The following SP140L variants were observed in gnomAD, a reference collection of about 807,000 sequenced individuals.
The protein encoded by SP140L is SP140 like nuclear body protein.
A neutral mutation model predicts 84.3 loss-of-function variants in SP140L; 64 were observed. The observed-to-expected ratio is 0.76, with a 90% CI of 0.62 to 0.94. The LOEUF (loss-of-function observed/expected upper bound fraction) is 0.94. SP140L is among the 40% of genes least tolerant of loss of function. SP140L has a pLI of 0.00. For missense variants in SP140L, 628 were observed against 692.5 expected (o/e 0.91, Z 1.05); for synonymous variants, 242 against 236.9 (o/e 1.02, Z -0.20).
At chr2:230,362,281 C>T (rs2149742132) in intron 5 of SP140L, among the ~76,000 whole-genome samples, 1 of 152,284 alleles carries the variant, frequency 6.6e-6, no homozygotes, top group East Asian at 1.9e-4. Context: ...AGGAAGTGCT[C>T]TTTTGACTTT....
intron 2 of SP140L, among the ~76,000 whole-genome samples, chr2:230,343,786 T>A (rs2060132033): frequency 6.6e-6 from 1 of 152,190 alleles, no homozygotes; most frequent in Non-Finnish European, 1.5e-5. Context: ...CAGTGTGAGA[T>A]AATATCTCAT....
Position 230,403,131 on chromosome 2 carries a change from C to G in SP140L, c.*235C>G. On this transcript the variant is annotated 3_prime_UTR_variant, in exon 19 of 19. Coordinates refer to ENST00000415673, the MANE Select transcript of SP140L (RefSeq NM_138402.6). ...ACAGGGAAGGAGATTGGAGGTGATA[C>G]CAGCACAGACAGACTCTCACCTCTT... is the stretch of plus-strand genomic sequence containing the variant. The G allele has an allele frequency of 2.2e-6, 1 of 456,182 alleles. No homozygotes were observed. Among genetic ancestry groups the G allele is most frequent in the Non-Finnish European group, 3.8e-6 (1 of 260,150 alleles). 28.3% of individuals were successfully genotyped at this position (456,182 alleles called of 1,614,324 possible).
At chr2:230,366,275 A>G (rs575771387) in intron 5 of SP140L, among the ~76,000 whole-genome samples, 31 of 152,252 alleles carry the variant, frequency 2.0e-4, no homozygotes, top group African/African-American at 6.5e-4. Flanking sequence ...ATTAATATTT[A>G]TTTAATATAT....
chr2:230,348,861 A>G (rs777064396), intron 2 of SP140L, among the ~76,000 whole-genome samples: 1 of 152,262 alleles, frequency 6.6e-6, no homozygotes, highest in Non-Finnish European at 1.5e-5. Flanking sequence ...TTAGAAGATT[A>G]CTACATAATT....
chr2:230,354,893 G>GAA (rs1338658558), intron 2 of SP140L, among the ~76,000 whole-genome samples: 1 of 129,672 alleles, frequency 7.7e-6, no homozygotes, highest in Non-Finnish European at 1.7e-5. Context: ...AAGAAAGAAA[G>GAA]AAAGGAAAGA....
At chr2:230,382,648 G>A (rs1331188469) in intron 7 of SP140L, among the ~76,000 whole-genome samples, 1 of 152,180 alleles carries the variant, frequency 6.6e-6, no homozygotes, top group Non-Finnish European at 1.5e-5. Context: ...GGCTGATGGG[G>A]AAAGAATGAG....
chr2:230,339,258 T>C (rs1420653183), intron 2 of SP140L, among the ~76,000 whole-genome samples: 2 of 152,102 alleles, frequency 1.3e-5, no homozygotes, highest in Non-Finnish European at 2.9e-5. Context: ...TATCCATTTC[T>C]TCTAGATTTT....
chr2:230,343,971 GT>G (rs2060137680), intron 2 of SP140L, among the ~76,000 whole-genome samples: 1 of 152,206 alleles, frequency 6.6e-6, no homozygotes, highest in African/African-American at 2.4e-5. Flanking sequence ...TAAGTGCTGT[GT>G]GGTGATGGGA....
intron 14 of SP140L, among the ~76,000 whole-genome samples, chr2:230,398,735 A>T (rs1262954115): frequency 6.6e-6 from 1 of 152,270 alleles, no homozygotes; most frequent in African/African-American, 2.4e-5. Context: ...ATATAAAAGT[A>T]GAAGTAGCAG....
rs1469291495 is a variant in SP140L at position 230,359,050 on chromosome 2, G to C, written c.357G>C (p.Leu119=). The change falls in exon 4 of 19, where the codon CTG becomes CTC. Residue 119 remains leucine (L), a synonymous_variant. Coordinates refer to ENST00000415673, the MANE Select transcript of SP140L (RefSeq NM_138402.6). Reference sequence around the variant, plus strand: ...GTGAACTGGAGAAGACATTTAACCTGTCAGTTTTGGAAGCACTGTTCAGCG... The same window carrying C: ...GTGAACTGGAGAAGACATTTAACCTCTCAGTTTTGGAAGCACTGTTCAGCG... ...VLSELEKTFN[L]SVLEALFSEV... is the part of the protein sequence containing the mutation. 6 of 1,613,712 alleles carry C rather than the reference G, an allele frequency of 3.7e-6. No homozygotes were observed. Among genetic ancestry groups the C allele is most frequent in the Non-Finnish European group, 5.1e-6 (6 of 1,179,862 alleles).
chr2:230,394,768 C>G (rs758817651), intron 13 of SP140L, among the ~76,000 whole-genome samples: 41 of 152,332 alleles, frequency 2.7e-4, no homozygotes, highest in South Asian at 1.2e-3. Context: ...ATTATGAACT[C>G]CATGGGTCCT....
chr2:230,357,991 C>G (rs2060601354), intron 3 of SP140L, 24 bp downstream of exon 3: 1 of 1,610,328 alleles, frequency 6.2e-7, no homozygotes, highest in African/African-American at 1.3e-5. Context: ...ATTTCACAAC[C>G]TGGCAGATAT....
chr2:230,402,454 T>G (rs549961559), intron 18 of SP140L, among the ~76,000 whole-genome samples: 4 of 152,342 alleles, frequency 2.6e-5, no homozygotes, highest in African/African-American at 9.6e-5. Flanking sequence ...GTTTTCAAGT[T>G]TAATCTGGTT....
rs1464044866 is a variant in SP140L, at chr2:230,401,063, G to A, written c.1422G>A (p.Leu474=). 4.8e-6 allele frequency: 6 copies of A among 1,241,134 alleles called. No homozygotes were observed. In the Admixed American group the frequency reaches 9.2e-5, roughly 19 times the overall value. The allele number at this position is 1,241,134 out of a possible 1,614,324, so 76.9% of individuals were successfully genotyped here. The change falls in exon 16 of 19, where the codon TTG becomes TTA. Residue 474 remains leucine, a splice_region_variant and synonymous_variant. Coordinates refer to ENST00000415673, the MANE Select transcript of SP140L (RefSeq NM_138402.6). ...GGCAGATGTGTCCTGAGGAACAGTT[G>A]GTAAATCAGATGCAAACCCCAAGCC... ...LERQMCPEEQ[L]KCEFLLLKVY... is the part of the protein sequence containing the mutation.
At chr2:230,371,005 G>C (rs749863140) in intron 6 of SP140L, 38 bp downstream of exon 6, 3 of 1,590,390 alleles carry the variant, frequency 1.9e-6, no homozygotes, top group East Asian at 4.5e-5. Context: ...GGGTGGCTCA[G>C]TGGGCCCCAC....
At chr2:230,383,813 T>G (rs2061483537) in intron 8 of SP140L, among the ~76,000 whole-genome samples, 1 of 152,244 alleles carries the variant, frequency 6.6e-6, no homozygotes, top group Admixed American at 6.5e-5. Context: ...CTTATCATCC[T>G]CAGTATGACT....
In SP140L at chr2:230,338,662, T is replaced by TA. The variant is rs1417001201; in HGVS notation, c.107+9832dup. ...ATAGATAGCTCTTATTATTTTGAAA[T>TA]ACGTCCCATCAATACCTAATTTATT... is the stretch of plus-strand genomic sequence containing the variant. On this transcript the variant is annotated intron_variant, in intron 2 of 18. Transcript: ENST00000415673. Among the ~76,000 whole-genome samples the TA allele has an allele frequency of 2.4e-4, 24 of 101,532 alleles. No homozygotes were observed. The South Asian group carries it at 2.9e-3, about 12-fold the overall frequency. The allele number at this position is 101,532 out of a possible 152,430, so 66.6% of individuals were successfully genotyped here.
intron 2 of SP140L, among the ~76,000 whole-genome samples, chr2:230,347,687 C>G (rs866740873): frequency 6.6e-6 from 1 of 152,146 alleles, no homozygotes; most frequent in African/African-American, 2.4e-5. Context: ...TGGTCAAGGA[C>G]GTATGTTAGG....
chr2:230,392,186 TGA>T lies in SP140L; in HGVS notation c.1066_1067del (p.Ser356CysfsTer19), dbSNP rs750552178. 3 of 1,614,082 alleles carry T rather than the reference TGA, an allele frequency of 1.9e-6. No individual in the cohort carries two copies. Among genetic ancestry groups the T allele is most frequent in the Non-Finnish European group, 2.5e-6 (3 of 1,179,954 alleles). The stretch of plus-strand genomic sequence containing the variant: ...TACGCAAGATCAAAGAACTGGAGGC[TGA>T]GTGTGCGCTGTGGCGGGTGGCCCCT... On this transcript the variant is annotated frameshift_variant, in exon 12 of 19. Coordinates refer to ENST00000415673, the MANE Select transcript of SP140L (RefSeq NM_138402.6). LOFTEE classifies it high-confidence loss of function.
Sources: allele counts gnomAD v4.1 joint callset (sites outside exome capture counted in the v4.1 genomes callset), GRCh38; gene constraint gnomAD v4.1.1; transcripts MANE v1.5; gene names NCBI Gene and HGNC (gene_info 2026-07-23, HGNC 2026-07-21).